The following NEGR1 variants were observed in gnomAD, a reference collection of about 807,000 sequenced individuals.
The protein encoded by NEGR1 is IgLON family member 4.
In NEGR1, 10 loss-of-function variants were observed where a neutral mutation model predicts 40.9. That is an observed-to-expected ratio of 0.24 (90% CI 0.15 to 0.42). The LOEUF (loss-of-function observed/expected upper bound fraction) is 0.42. Ranked by LOEUF, NEGR1 falls within the 10% of genes least tolerant of loss-of-function variation. The pLI is 1.00. For synonymous variants in NEGR1, 185 were observed against 166.8 expected, an observed-to-expected ratio of 1.11 and a Z score of -0.84; for missense variants, 352 against 438.9, an observed-to-expected ratio of 0.80 and a Z score of 1.77.
At chr1:72,115,253 G>C (rs1211515003) in intron 1 of NEGR1, among the ~76,000 whole-genome samples, 1 of 151,610 alleles carries the variant, frequency 6.6e-6, no homozygotes, top group Non-Finnish European at 1.5e-5. Context: ...AATGCACTGG[G>C]TTGAGAAACC....
intron 6 of NEGR1, among the ~76,000 whole-genome samples, chr1:71,439,337 G>A (rs1646531385): frequency 1.3e-5 from 2 of 152,212 alleles, no homozygotes; most frequent in South Asian, 4.1e-4. Context: ...TTCACCGTAT[G>A]TCCTTTCCTT....
intron 2 of NEGR1, among the ~76,000 whole-genome samples, chr1:71,801,790 T>G (rs1231264966): frequency 1.3e-5 from 2 of 152,222 alleles, no homozygotes; most frequent in Non-Finnish European, 2.9e-5. Flanking sequence ...CAATAGTTTC[T>G]TATCTGTTAT....
chr1:71,577,846 T>C (rs773526065), intron 6 of NEGR1, among the ~76,000 whole-genome samples: 2 of 152,112 alleles, frequency 1.3e-5, no homozygotes, highest in Non-Finnish European at 2.9e-5. Flanking sequence ...AAGATAATAA[T>C]GTTGTCCTTT....
intron 2 of NEGR1, among the ~76,000 whole-genome samples, chr1:71,923,908 T>A (rs1368074479): frequency 8.8e-6 from 1 of 113,902 alleles, no homozygotes; most frequent in Admixed American, 9.2e-5. Flanking sequence ...AGGCACTTTC[T>A]TTTTTTTTTT....
At chr1:72,186,343 T>A (rs1015477204) in intron 1 of NEGR1, among the ~76,000 whole-genome samples, 12 of 151,726 alleles carry the variant, frequency 7.9e-5, no homozygotes, top group Non-Finnish European at 1.5e-4. Context: ...TTCCCACTCA[T>A]TCTGTTTTCT....
intron 6 of NEGR1, among the ~76,000 whole-genome samples, chr1:71,512,233 T>C (rs1364169805): frequency 6.6e-6 from 1 of 152,126 alleles, no homozygotes; most frequent in African/African-American, 2.4e-5. Flanking sequence ...ATGTTCTCTA[T>C]TGGGAATATC....
intron 6 of NEGR1, among the ~76,000 whole-genome samples, chr1:71,446,701 A>G (rs2101321712): frequency 6.6e-6 from 1 of 152,312 alleles, no homozygotes; most frequent in East Asian, 1.9e-4. Context: ...TACATTTTAA[A>G]TTGAAATACA....
intron 2 of NEGR1, among the ~76,000 whole-genome samples, chr1:71,807,566 T>C (rs1408672784): frequency 6.6e-6 from 1 of 152,206 alleles, no homozygotes; most frequent in Non-Finnish European, 1.5e-5. Context: ...AAATTGTTCA[T>C]GCTTAATTTA....
At chr1:71,912,479 G>A (rs959589092) in intron 2 of NEGR1, among the ~76,000 whole-genome samples, 1 of 152,070 alleles carries the variant, frequency 6.6e-6, no homozygotes, top group Non-Finnish European at 1.5e-5. Flanking sequence ...CACCACAAAA[G>A]GTAGCATATT....
chr1:71,957,310 C>T (rs971738359), intron 1 of NEGR1, among the ~76,000 whole-genome samples: 1 of 152,014 alleles, frequency 6.6e-6, no homozygotes, highest in Non-Finnish European at 1.5e-5. Context: ...CAAGGGTAAG[C>T]ATGGTGTTAT....
intron 6 of NEGR1, among the ~76,000 whole-genome samples, chr1:71,580,238 A>G (rs1048626534): frequency 2.0e-5 from 3 of 149,340 alleles, no homozygotes; most frequent in African/African-American, 7.4e-5. Context: ...ATTCTCACTC[A>G]TAGGTGGGAA....
At chr1:72,269,975 G>A (rs949122377) in intron 1 of NEGR1, among the ~76,000 whole-genome samples, 1 of 151,736 alleles carries the variant, frequency 6.6e-6, no homozygotes, top group East Asian at 1.9e-4. Flanking sequence ...GGCAGTTGGT[G>A]CCGAGTAAAT....
At chr1:71,649,542 G>A (rs1651640979) in intron 4 of NEGR1, among the ~76,000 whole-genome samples, 1 of 152,030 alleles carries the variant, frequency 6.6e-6, no homozygotes, top group Non-Finnish European at 1.5e-5. Context: ...AATTACCTAG[G>A]AACAAGATAA....
intron 3 of NEGR1, among the ~76,000 whole-genome samples, chr1:71,748,360 A>G (rs1415692805): frequency 6.6e-6 from 1 of 152,182 alleles, no homozygotes; most frequent in Non-Finnish European, 1.5e-5. Context: ...TTCATTTCTG[A>G]TGAAACATAC....
chr1:71,777,363 A>G (rs914034683), intron 2 of NEGR1, among the ~76,000 whole-genome samples: 4 of 152,130 alleles, frequency 2.6e-5, no homozygotes, highest in Non-Finnish European at 5.9e-5. Context: ...AGTGTTAGTC[A>G]TTATTATTAG....
intron 1 of NEGR1, among the ~76,000 whole-genome samples, chr1:72,032,060 T>A (rs552747335): frequency 6.6e-6 from 1 of 152,274 alleles, no homozygotes; most frequent in East Asian, 1.9e-4. Context: ...TTAGAAGAGC[T>A]AGAAAATAAA....
At chr1:71,846,761 C>CA (rs1464446974) in intron 2 of NEGR1, among the ~76,000 whole-genome samples, 3 of 152,166 alleles carry the variant, frequency 2.0e-5, no homozygotes, top group African/African-American at 7.2e-5. Flanking sequence ...TCCTTATAGG[C>CA]AGTGCCTTCT....
At chr1:72,071,625 C>CA (rs1386391309) in intron 1 of NEGR1, among the ~76,000 whole-genome samples, 1 of 152,016 alleles carries the variant, frequency 6.6e-6, no homozygotes, top group East Asian at 1.9e-4. Context: ...ATCATCCACT[C>CA]AAAAAAGACC....
chr1:71,657,727 C>A (rs540226338), intron 4 of NEGR1, among the ~76,000 whole-genome samples: 1 of 152,110 alleles, frequency 6.6e-6, no homozygotes, highest in African/African-American at 2.4e-5. Context: ...ATGGTTTGAT[C>A]CTCCCTGGTG....
Sources: gnomAD v4.1 joint callset for allele counts (sites outside exome capture counted in the v4.1 genomes callset) on GRCh38, gnomAD v4.1.1 for gene constraint, MANE v1.5 for transcripts, NCBI Gene and HGNC (gene_info 2026-07-23, HGNC 2026-07-21) for gene names.